EYS: variants seen among roughly 807,000 people sequenced by gnomAD.
EYS encodes EGF-like photoreceptor maintenance factor.
In EYS, 250 loss-of-function variants were observed where a neutral mutation model predicts 282.1. The ratio of observed to expected loss-of-function variants is 0.89; its 90% CI spans 0.80 to 0.98. EYS has a LOEUF of 0.98. Among genes scored for constraint, EYS ranks in the 50% least tolerant of loss-of-function variants. EYS has a pLI of 0.00. For missense variants in EYS, 4,016 were observed against 3,709.0 expected, an observed-to-expected ratio of 1.08 and a Z score of -2.15; for synonymous variants, 1,355 against 1,282.9, an observed-to-expected ratio of 1.06 and a Z score of -1.20.
intron 15 of EYS, among the ~76,000 whole-genome samples, chr6:64,921,131 A>G (rs971396394): frequency 2.0e-5 from 3 of 152,164 alleles, no homozygotes; most frequent in African/African-American, 7.2e-5. Context: ...GGTAACATGT[A>G]TTAAAACTAT....
intron 5 of EYS, among the ~76,000 whole-genome samples, chr6:65,487,772 T>C (rs12987280): frequency 6.6e-6 from 1 of 152,116 alleles, no homozygotes; most frequent in Non-Finnish European, 1.5e-5. Flanking sequence ...TTTGTACTTA[T>C]GGTAGAATTT....
intron 14 of EYS, among the ~76,000 whole-genome samples, chr6:64,954,544 G>A (rs1030453861): frequency 6.6e-6 from 1 of 152,050 alleles, no homozygotes; most frequent in Admixed American, 6.6e-5. Flanking sequence ...ATGTAATTCT[G>A]CAACATATAG....
intron 30 of EYS, among the ~76,000 whole-genome samples, chr6:64,232,921 A>C (rs146674199): frequency 2.6e-4 from 40 of 152,344 alleles, no homozygotes; most frequent in African/African-American, 7.2e-4. Flanking sequence ...AACTTTCATC[A>C]AGTTAAATGG....
chr6:64,056,834 G>A (rs959432202), intron 33 of EYS, among the ~76,000 whole-genome samples: 2 of 152,134 alleles, frequency 1.3e-5, no homozygotes, highest in African/African-American at 4.8e-5. Flanking sequence ...TGAACATAAT[G>A]TCATCATGAG....
intron 41 of EYS, among the ~76,000 whole-genome samples, chr6:63,731,643 C>T (rs1768784623): frequency 6.6e-6 from 1 of 151,544 alleles, no homozygotes; most frequent in Non-Finnish European, 1.5e-5. Context: ...ATTTTTTTAC[C>T]ATAAATTTGT....
At chr6:65,417,191 CAT>C (rs1281292342) in intron 5 of EYS, among the ~76,000 whole-genome samples, 4 of 151,950 alleles carry the variant, frequency 2.6e-5, no homozygotes, top group Admixed American at 6.6e-5. Context: ...GCAATCTAAA[CAT>C]GTACAAAAAT....
chr6:64,653,789 T>C lies in EYS; in HGVS notation c.3444-27544A>G, dbSNP rs1388988349. The stretch of plus-strand genomic sequence containing the variant: ...TATGTTGCCAAGGCTGATCTCAAAC[T>C]CCTAGGCTTAAGTGATCATCCCGCC... On this transcript the variant is annotated intron_variant, in intron 22 of 42. Transcript: ENST00000503581. 4.0e-5 allele frequency among the ~76,000 whole-genome samples: 6 copies of C among 149,884 alleles called. No homozygotes were observed. In the East Asian group the frequency reaches 1.2e-3, roughly 30 times the overall value.
intron 5 of EYS, among the ~76,000 whole-genome samples, chr6:65,471,007 C>G (rs757127694): frequency 6.6e-6 from 1 of 151,718 alleles, no homozygotes; most frequent in African/African-American, 2.4e-5. Flanking sequence ...CATGGTGGCA[C>G]GCACCTGTAA....
At chr6:64,295,490 G>GAAGAAGAAGAAGAAGAAGAAGAAGAAGA in intron 30 of EYS, among the ~76,000 whole-genome samples, 1 of 28,160 alleles carries the variant, frequency 3.6e-5, no homozygotes, top group Admixed American at 4.3e-4. Flanking sequence ...AGAAGAAGAA[G>GAAGAAGAAGAAGAAGAAGAAGAAGAAGA]AAGAAGAAAG....
Position 64,902,414 on chromosome 6 carries a change from T to G in EYS, c.2728A>C (p.Asn910His). 2 of 1,538,416 alleles carry G rather than the reference T, an allele frequency of 1.3e-6. No homozygotes were observed. Among genetic ancestry groups the G allele is most frequent in the Non-Finnish European group, 1.8e-6 (2 of 1,142,702 alleles). Reference protein sequence around the residue: ...QDYGDCEDMVNNFRCICRPGF... With the variant: ...QDYGDCEDMVHNFRCICRPGF... Reference sequence around the variant, plus strand: ...TTAAGTTTTCTGTACCTGAAATTGTTGACCATATCTTCACAGTCACCATAA... The same window carrying G: ...TTAAGTTTTCTGTACCTGAAATTGTGGACCATATCTTCACAGTCACCATAA... The change falls in exon 17 of 43, where the codon AAC (asparagine) becomes CAC (histidine). Residue 910 changes from asparagine (N) to histidine (H), a missense_variant. By Grantham distance (68) the Asn-to-His change is moderately conservative. Transcript: ENST00000503581.
chr6:64,350,842 G>A (rs1258260048), intron 29 of EYS, among the ~76,000 whole-genome samples: 1 of 151,484 alleles, frequency 6.6e-6, no homozygotes. Context: ...GAGGGACCTC[G>A]TGGGAGGTGA....
In EYS at chr6:64,608,931, G is replaced by T. The variant is rs368585039; in HGVS notation, c.3684+8487C>A. 6.8e-4 allele frequency among the ~76,000 whole-genome samples: 104 copies of T among 152,266 alleles called. 2 individuals carry two copies. Among genetic ancestry groups the T allele is most frequent in the Non-Finnish European group, 1.4e-3 (97 of 68,006 alleles). On this transcript the variant is annotated intron_variant, in intron 24 of 42. Coordinates refer to ENST00000503581, the MANE Select transcript of EYS (RefSeq NM_001142800.2). ...GAGGAATTCACAGGAGGATCACAGA[G>T]GATTTTTAGGGCATTGTTACTATTC...
chr6:65,580,883 AGCC>A (rs1764842588), intron 2 of EYS, among the ~76,000 whole-genome samples: 1 of 152,078 alleles, frequency 6.6e-6, no homozygotes, highest in Non-Finnish European at 1.5e-5. Context: ...TCTCAAGGTA[AGCC>A]TGAAATATAG....
intron 31 of EYS, among the ~76,000 whole-genome samples, chr6:64,096,834 T>G (rs1205785770): frequency 2.0e-5 from 3 of 152,212 alleles, no homozygotes; most frequent in Non-Finnish European, 4.4e-5. Flanking sequence ...TGCTCTGGTT[T>G]TTAGAGTTTC....
rs1415877914 is a variant in EYS, at chr6:65,515,144, A to C, written c.-332-19151T>G. 2.6e-5 allele frequency among the ~76,000 whole-genome samples: 4 copies of C among 152,170 alleles called. No homozygotes were observed. The East Asian group carries it at 7.7e-4, about 29-fold the overall frequency. On this transcript the variant is annotated intron_variant, in intron 2 of 42. Coordinates refer to ENST00000503581, the MANE Select transcript of EYS (RefSeq NM_001142800.2). ...AAGTGGGCAAAGGACATGAACAGAC[A>C]CTTCTCAAAAGAAGACATTTATCCA...
intron 7 of EYS, among the ~76,000 whole-genome samples, chr6:65,391,899 C>G (rs1441374198): frequency 1.3e-5 from 2 of 152,146 alleles, no homozygotes; most frequent in Non-Finnish European, 2.9e-5. Flanking sequence ...CTGGAGGCAT[C>G]ACGCTACCTG....
intron 30 of EYS, among the ~76,000 whole-genome samples, chr6:64,262,387 A>T (rs1301707212): frequency 6.6e-6 from 1 of 151,522 alleles, no homozygotes; most frequent in African/African-American, 2.4e-5. Flanking sequence ...CAAATTGCAT[A>T]ATTTGTATTT....
chr6:63,777,959 G>C, intron 40 of EYS, 47 bp downstream of exon 40: 1 of 1,491,998 alleles, frequency 6.7e-7, no homozygotes, highest in East Asian at 2.5e-5. Flanking sequence ...GTACCAGTTA[G>C]AGTGCAAACA....
At chr6:64,358,167 G>A (rs1771891533) in intron 29 of EYS, among the ~76,000 whole-genome samples, 1 of 151,598 alleles carries the variant, frequency 6.6e-6, no homozygotes, top group Admixed American at 6.6e-5. Context: ...CCCAGGTGGT[G>A]TCTATTCCTG....
Sources: allele counts gnomAD v4.1 joint callset (sites outside exome capture counted in the v4.1 genomes callset), GRCh38; gene constraint gnomAD v4.1.1; transcripts MANE v1.5; gene names NCBI Gene and HGNC (gene_info 2026-07-23, HGNC 2026-07-21).